NUP98: variants seen among roughly 807,000 people sequenced by gnomAD.
The protein encoded by NUP98 is nuclear pore complex protein Nup98-Nup96.
A neutral mutation model predicts 191.9 loss-of-function variants in NUP98; 26 were observed. That is an observed-to-expected ratio of 0.14 (90% confidence interval 0.10 to 0.19). The LOEUF is 0.19. NUP98 is among the 10% of genes least tolerant of loss of function. The pLI, the probability that NUP98 is intolerant of heterozygous loss-of-function variation, is 1.00. For synonymous variants in NUP98, 808 were observed against 778.4 expected (o/e 1.04, Z -0.63); for missense variants, 1,941 against 2,178.8 (o/e 0.89, Z 2.17).
At chr11:3,778,188 G>T (rs1341401185) in intron 4 of NUP98, among the ~76,000 whole-genome samples, 2 of 113,372 alleles carry the variant, frequency 1.8e-5, no homozygotes, top group African/African-American at 7.3e-5. Flanking sequence ...GACAGAGCGA[G>T]ACTCCATCTC....
chr11:3,728,769 A>T (rs943289582), intron 14 of NUP98, among the ~76,000 whole-genome samples: 4 of 152,134 alleles, frequency 2.6e-5, no homozygotes, highest in African/African-American at 9.7e-5. Flanking sequence ...AATAAAAACA[A>T]TAAGAACTGA....
At chr11:3,770,882 AGAGATG>A (rs1476743350) in intron 7 of NUP98, among the ~76,000 whole-genome samples, 1 of 152,050 alleles carries the variant, frequency 6.6e-6, no homozygotes, top group African/African-American at 2.4e-5. Flanking sequence ...CTTTTTATTT[AGAGATG>A]GAGTCTTGCT....
chr11:3,729,543 C>CAAAAAAAA (rs36045405), intron 14 of NUP98, among the ~76,000 whole-genome samples: 2 of 55,748 alleles, frequency 3.6e-5, no homozygotes, highest in African/African-American at 1.5e-4. Context: ...CCTGTATCTC[C>CAAAAAAAA]AAAAAAAAAA....
chr11:3,684,078 G>A (rs2078063244), intron 29 of NUP98, among the ~76,000 whole-genome samples: 3 of 151,886 alleles, frequency 2.0e-5, no homozygotes, highest in Admixed American at 2.0e-4. Flanking sequence ...TGGGTGTGGT[G>A]GCAGGCGTCT....
chr11:3,754,184 T>C (rs2080872467), intron 10 of NUP98, among the ~76,000 whole-genome samples: 1 of 152,118 alleles, frequency 6.6e-6, no homozygotes, highest in Non-Finnish European at 1.5e-5. Flanking sequence ...ATCCCAACAC[T>C]TTGGGAGGCC....
At chr11:3,735,382 A>T in intron 12 of NUP98, 58 bp from the exon 13 acceptor site, 1 of 964,104 alleles carries the variant, frequency 1.0e-6, no homozygotes. Context: ...GCAAGGATAC[A>T]ATGCATTTGT....
intron 11 of NUP98, among the ~76,000 whole-genome samples, chr11:3,749,450 C>T (rs1031750068): frequency 4.6e-5 from 7 of 152,162 alleles, no homozygotes; most frequent in African/African-American, 1.7e-4. Context: ...CATGGTGAAA[C>T]CCCATCTCTA....
chr11:3,677,555 T>C (rs1487775233), intron 31 of NUP98, among the ~76,000 whole-genome samples: 1 of 152,068 alleles, frequency 6.6e-6, no homozygotes, highest in Non-Finnish European at 1.5e-5. Flanking sequence ...ACATTGATAG[T>C]ACCCTTTGCT....
chr11:3,769,355 GT>G (rs1312679164), intron 7 of NUP98, among the ~76,000 whole-genome samples: 3 of 152,130 alleles, frequency 2.0e-5, no homozygotes, highest in Non-Finnish European at 4.4e-5. Flanking sequence ...GAGCCTGGGA[GT>G]TTGAGGCAGC....
At chr11:3,768,794 T>G in intron 7 of NUP98, 50 bp from the exon 8 acceptor site, 1 of 1,391,930 alleles carries the variant, frequency 7.2e-7, no homozygotes. Flanking sequence ...AAAAAAAATG[T>G]AAACACCCAA....
Position 3,771,847 on chromosome 11 carries a change from C to CA in NUP98, c.684dup (p.Gly229TrpfsTer19). ...GCGCTGGAAGTGGCTGGAGAAGACCCAAACAAGCCAGTTGTGGTACCTGCT... is the reference window on the plus strand; with the variant it reads ...GCGCTGGAAGTGGCTGGAGAAGACCCAAAACAAGCCAGTTGTGGTACCTGCT... On this transcript the variant is annotated frameshift_variant, in exon 7 of 33. Coordinates refer to ENST00000324932, the MANE Select transcript of NUP98 (RefSeq NM_016320.5). LOFTEE classifies it high-confidence loss of function. 6.2e-7 allele frequency: 1 copy of CA among 1,614,058 alleles called. No homozygotes were observed.
chr11:3,756,773 T>A (rs1486021592), intron 10 of NUP98, among the ~76,000 whole-genome samples: 2 of 152,010 alleles, frequency 1.3e-5, no homozygotes, highest in Non-Finnish European at 2.9e-5. Context: ...ACATCACATA[T>A]AACATCAAAT....
chr11:3,788,824 G>A (rs1251393679), intron 1 of NUP98, among the ~76,000 whole-genome samples: 1 of 151,908 alleles, frequency 6.6e-6, no homozygotes, highest in Non-Finnish European at 1.5e-5. Flanking sequence ...ACGCATGCCT[G>A]TCATCCCAGC....
At chr11:3,771,550 T>C (rs1386336742) in intron 7 of NUP98, among the ~76,000 whole-genome samples, 198 bp downstream of exon 7, 1 of 152,220 alleles carries the variant, frequency 6.6e-6, no homozygotes, top group African/African-American at 2.4e-5. Flanking sequence ...CCTTCTCCTC[T>C]GAAGCATTCC....
chr11:3,735,884 T>C (rs1265233366), intron 12 of NUP98, among the ~76,000 whole-genome samples: 1 of 147,876 alleles, frequency 6.8e-6, no homozygotes, highest in Non-Finnish European at 1.5e-5. Flanking sequence ...GGAAATAATA[T>C]GACAATATAC....
chr11:3,686,213 G>A lies in NUP98; in HGVS notation c.4455-19C>T, dbSNP rs1406869240. 6 of 1,610,040 alleles carry A rather than the reference G, an allele frequency of 3.7e-6. No homozygotes were observed. The highest frequency in any genetic ancestry group is 1.7e-4 in the Middle Eastern group (1 of 6,054). ...ATAATGTCTGCAAAGAACGTGTTGAGAGTCAACATACACAGCCAGGAGACG... is the reference window on the plus strand; with the variant it reads ...ATAATGTCTGCAAAGAACGTGTTGAAAGTCAACATACACAGCCAGGAGACG... On this transcript the variant is annotated intron_variant, in intron 28 of 32. Coordinates refer to ENST00000324932, the MANE Select transcript of NUP98 (RefSeq NM_016320.5).
At chr11:3,691,528 A>C in intron 27 of NUP98, 39 bp from the exon 28 acceptor site, 10 of 1,602,028 alleles carry the variant, frequency 6.2e-6, no homozygotes, top group Non-Finnish European at 7.7e-6. Context: ...ATTAGCTCCT[A>C]ATCAGTTTTA....
At chr11:3,739,499 G>A (rs1030997838) in intron 12 of NUP98, among the ~76,000 whole-genome samples, 2 of 152,010 alleles carry the variant, frequency 1.3e-5, no homozygotes, top group African/African-American at 2.4e-5. Flanking sequence ...CACCCGCCTC[G>A]GCCTCCCAAA....
intron 15 of NUP98, among the ~76,000 whole-genome samples, chr11:3,724,449 T>C (rs67792944): frequency 3.1e-5 from 2 of 64,382 alleles, no homozygotes; most frequent in African/African-American, 1.4e-4. Flanking sequence ...AAAAAAAAAA[T>C]AAATAAATAA....
Sources: gnomAD v4.1 joint callset for allele counts (sites outside exome capture counted in the v4.1 genomes callset) on GRCh38, gnomAD v4.1.1 for gene constraint, MANE v1.5 for transcripts, NCBI Gene and HGNC (gene_info 2026-07-23, HGNC 2026-07-21) for gene names.